TAFA4: variants seen among roughly 807,000 people sequenced by gnomAD.
TAFA4 encodes the protein TAFA chemokine like family member 4.
In TAFA4, 20 loss-of-function variants were observed where a neutral mutation model predicts 21.1. That is an observed-to-expected ratio of 0.95 (90% confidence interval 0.67 to 1.38). The LOEUF is 1.38. TAFA4 is among the 40% of genes most tolerant of loss of function. The pLI is 0.00. For synonymous variants in TAFA4, 71 were observed against 67.4 expected, an observed-to-expected ratio of 1.05 and a Z score of -0.26; for missense variants, 211 against 180.9, an observed-to-expected ratio of 1.17 and a Z score of -0.95.
At chr3:68,816,833 TTA>T (rs1703990316) in intron 3 of TAFA4, among the ~76,000 whole-genome samples, 1 of 152,202 alleles carries the variant, frequency 6.6e-6, no homozygotes, top group Non-Finnish European at 1.5e-5. Context: ...TTCAATAACT[TTA>T]TGTCTAAAAC....
At chr3:68,865,113 C>G (rs2089399510) in intron 3 of TAFA4, among the ~76,000 whole-genome samples, 1 of 151,994 alleles carries the variant, frequency 6.6e-6, no homozygotes, top group Non-Finnish European at 1.5e-5. Context: ...TATTTTATGT[C>G]AGTTATACCT....
intron 1 of TAFA4, among the ~76,000 whole-genome samples, chr3:68,918,553 C>A (rs934447206): frequency 3.9e-5 from 6 of 152,212 alleles, no homozygotes; most frequent in Admixed American, 3.3e-4. Context: ...TTTTTATTTG[C>A]TCGAGACAGG....
chr3:68,859,388 T>G (rs184976616), intron 3 of TAFA4, among the ~76,000 whole-genome samples: 4 of 152,268 alleles, frequency 2.6e-5, no homozygotes, highest in Non-Finnish European at 4.4e-5. Flanking sequence ...TTAATTCATG[T>G]CTCCTTGCTG....
rs192758966 is a variant in TAFA4 at position 68,807,130 on chromosome 3, G to A, written c.131-54112C>T. On this transcript the variant is annotated intron_variant, in intron 3 of 5. Transcript: ENST00000295569. ...TGCCCCTTGTTTGCCTCAGCTGATC[G>A]GTCTAGGGCAGCTAATCCACAGGCT... Among the ~76,000 whole-genome samples the A allele has an allele frequency of 2.0e-4, 30 of 152,258 alleles. No homozygotes were observed. In the East Asian group the frequency reaches 5.2e-3, roughly 27 times the overall value.
chr3:68,932,525 G>GA lies in TAFA4; in HGVS notation c.-409_-408insT, dbSNP rs1559567883. On this transcript the variant is annotated 5_prime_UTR_variant, in exon 1 of 6. Transcript: ENST00000295569. Reference sequence around the variant, plus strand: ...GCGCGCAGTCGGTGCGCCCCGTCCAGGGCGGCGCGCAGCTAGCAGTGCGGA... The same window carrying GA: ...GCGCGCAGTCGGTGCGCCCCGTCCAGAGGCGGCGCGCAGCTAGCAGTGCGGA... 6.6e-6 allele frequency: 1 copy of GA among 152,198 alleles called. No individual in the cohort carries two copies. The highest frequency in any genetic ancestry group is 1.5e-5 in the Non-Finnish European group (1 of 68,032). The allele number at this position is 152,198 out of a possible 1,614,324, so 9.4% of individuals were successfully genotyped here.
intron 3 of TAFA4, among the ~76,000 whole-genome samples, chr3:68,758,826 G>A (rs993024813): frequency 2.6e-5 from 4 of 152,204 alleles, no homozygotes; most frequent in South Asian, 2.1e-4. Flanking sequence ...TCAGCAGCTC[G>A]TGTTATAACA....
At chr3:68,812,974 T>C (rs1703875668) in intron 3 of TAFA4, among the ~76,000 whole-genome samples, 1 of 152,068 alleles carries the variant, frequency 6.6e-6, no homozygotes, top group African/African-American at 2.4e-5. Context: ...TAACAAACTG[T>C]CTCTCAGACC....
intron 3 of TAFA4, 79 bp downstream of exon 3, chr3:68,880,651 T>A: frequency 8.6e-7 from 1 of 1,156,582 alleles, no homozygotes; most frequent in African/African-American, 1.5e-5. Context: ...ACATCAGTTA[T>A]CTGTGTCTAA....
intron 3 of TAFA4, among the ~76,000 whole-genome samples, chr3:68,806,291 A>C (rs78988307): frequency 0.014 from 2,192 of 152,328 alleles, 48 homozygotes; most frequent in African/African-American, 0.05. Flanking sequence ...AAGAAGAGAC[A>C]GTCTTTTAGC....
chr3:68,768,278 T>C (rs764466845), intron 3 of TAFA4, among the ~76,000 whole-genome samples: 11 of 152,188 alleles, frequency 7.2e-5, no homozygotes, highest in Non-Finnish European at 1.0e-4. Context: ...AAATAATCCA[T>C]TGAAAAATGG....
At chr3:68,763,376 C>T (rs1455951827) in intron 3 of TAFA4, among the ~76,000 whole-genome samples, 2 of 152,152 alleles carry the variant, frequency 1.3e-5, no homozygotes, top group African/African-American at 2.4e-5. Flanking sequence ...TTCCCTTTTC[C>T]ACTCAGAGCC....
At chr3:68,821,931 C>T (rs1704120710) in intron 3 of TAFA4, among the ~76,000 whole-genome samples, 1 of 152,290 alleles carries the variant, frequency 6.6e-6, no homozygotes, top group South Asian at 2.1e-4. Flanking sequence ...TTTGCAAATG[C>T]TTCTCCGGTA....
intron 3 of TAFA4, among the ~76,000 whole-genome samples, chr3:68,810,828 T>C (rs1703819759): frequency 6.6e-6 from 1 of 152,126 alleles, no homozygotes; most frequent in Non-Finnish European, 1.5e-5. Flanking sequence ...AGAGTAGTGG[T>C]TCTCCCAGCA....
At chr3:68,858,823 G>A (rs559964320) in intron 3 of TAFA4, among the ~76,000 whole-genome samples, 1 of 152,034 alleles carries the variant, frequency 6.6e-6, no homozygotes, top group South Asian at 2.1e-4. Flanking sequence ...GTTCTAAGGT[G>A]ACAAAGAAAC....
chr3:68,782,338 G>GT (rs1447944534), intron 3 of TAFA4, among the ~76,000 whole-genome samples: 5 of 152,088 alleles, frequency 3.3e-5, no homozygotes, highest in African/African-American at 9.7e-5. Flanking sequence ...GCAGGAAAAC[G>GT]TAAGTGTTGG....
At chr3:68,742,223 T>A (rs928915248) in intron 4 of TAFA4, among the ~76,000 whole-genome samples, 2 of 152,114 alleles carry the variant, frequency 1.3e-5, no homozygotes, top group African/African-American at 4.8e-5. Context: ...TTCAACATTA[T>A]AAAGGTCATA....
chr3:68,794,338 TTTA>T (rs769518144), intron 3 of TAFA4, among the ~76,000 whole-genome samples: 8 of 152,204 alleles, frequency 5.3e-5, no homozygotes, highest in Non-Finnish European at 1.0e-4. Flanking sequence ...CCTGTCATAA[TTTA>T]AAAAGCCACA....
chr3:68,860,659 C>T (rs2089324418), intron 3 of TAFA4, among the ~76,000 whole-genome samples: 1 of 151,988 alleles, frequency 6.6e-6, no homozygotes, highest in African/African-American at 2.4e-5. Flanking sequence ...TACTGGGTTG[C>T]AGTTATGTTT....
intron 1 of TAFA4, among the ~76,000 whole-genome samples, chr3:68,891,600 G>A (rs2089731411): frequency 6.6e-6 from 1 of 152,216 alleles, no homozygotes; most frequent in African/African-American, 2.4e-5. Flanking sequence ...AAAGCGTTTA[G>A]ATATTGTGGT....
Sources: allele counts gnomAD v4.1 joint callset (sites outside exome capture counted in the v4.1 genomes callset), GRCh38; gene constraint gnomAD v4.1.1; transcripts MANE v1.5; gene names NCBI Gene and HGNC (gene_info 2026-07-23, HGNC 2026-07-21).